ADGRB3: variants seen among roughly 807,000 people sequenced by gnomAD.
The protein encoded by ADGRB3 is brain-specific angiogenesis inhibitor 3.
Under a neutral mutation model 193.4 loss-of-function variants are expected in ADGRB3, and 37 were observed. The ratio of observed to expected loss-of-function variants is 0.19; its 90% confidence interval spans 0.15 to 0.25. The LOEUF is 0.25. ADGRB3 is among the 10% of genes least tolerant of loss of function. The probability of loss-of-function intolerance (pLI) is 1.00; values close to 1 mark genes in which losing one functional copy is unlikely to be tolerated. For synonymous variants in ADGRB3, 690 were observed against 644.2 expected, an observed-to-expected ratio of 1.07 and a Z score of -1.08; for missense variants, 1,637 against 1,852.9, an observed-to-expected ratio of 0.88 and a Z score of 2.14.
chr6:68,738,640 T>C (rs1453518570), intron 3 of ADGRB3, among the ~76,000 whole-genome samples: 2 of 152,148 alleles, frequency 1.3e-5, no homozygotes, highest in Non-Finnish European at 2.9e-5. Flanking sequence ...AAATAAGAGT[T>C]ATCAACAAAA....
At chr6:68,700,738 G>T (rs560536050) in intron 3 of ADGRB3, among the ~76,000 whole-genome samples, 1 of 147,354 alleles carries the variant, frequency 6.8e-6, no homozygotes, top group African/African-American at 2.5e-5. Context: ...GCCAAACACC[G>T]CATGTTCTCA....
At position 69,223,287 on chromosome 6, in the gene ADGRB3, G is replaced by C. The variant is rs563884389; in HGVS notation, c.2481-10003G>C. ...TCAAGAGTTAAAATTTCTGTTTTTT[G>C]AAACTAAAGACTCTGATATCAAAAT... is the stretch of plus-strand genomic sequence containing the variant. On this transcript the variant is annotated intron_variant, in intron 17 of 31. Transcript: ENST00000370598. Among the ~76,000 whole-genome samples the C allele has an allele frequency of 6.6e-5, 10 of 152,118 alleles. No homozygotes were observed. The Middle Eastern group carries it at 0.01, about 155-fold the overall frequency.
At chr6:69,386,828 A>G (rs1360759588) in intron 31 of ADGRB3, among the ~76,000 whole-genome samples, 1 of 152,048 alleles carries the variant, frequency 6.6e-6, no homozygotes, top group African/African-American at 2.4e-5. Context: ...TGTTTCCTGT[A>G]TAAAGAAGCC....
intron 28 of ADGRB3, among the ~76,000 whole-genome samples, chr6:69,356,935 A>G (rs1450091093): frequency 6.6e-6 from 1 of 152,110 alleles, no homozygotes; most frequent in Non-Finnish European, 1.5e-5. Flanking sequence ...GGAACAGAAT[A>G]TGCCTCATTT....
chr6:68,890,878 G>A (rs546130541), intron 3 of ADGRB3, among the ~76,000 whole-genome samples: 34 of 152,294 alleles, frequency 2.2e-4, no homozygotes, highest in African/African-American at 5.8e-4. Context: ...TTTAGCAGGC[G>A]AAAGAAAGAT....
chr6:69,119,110 T>C (rs1773614986), intron 17 of ADGRB3, among the ~76,000 whole-genome samples: 1 of 152,240 alleles, frequency 6.6e-6, no homozygotes, highest in Non-Finnish European at 1.5e-5. Context: ...AGTTTTTCAC[T>C]GTCATGGAAA....
chr6:68,656,552 A>G (rs72897142), intron 3 of ADGRB3, among the ~76,000 whole-genome samples: 280 of 151,714 alleles, frequency 1.8e-3, no homozygotes, highest in Non-Finnish European at 3.4e-3. Context: ...ATTTGTTCAC[A>G]TTTATTAGTT....
chr6:69,189,831 A>C (rs1299854703), intron 17 of ADGRB3, among the ~76,000 whole-genome samples: 1 of 152,188 alleles, frequency 6.6e-6, no homozygotes, highest in Admixed American at 6.5e-5. Flanking sequence ...TAACCGTAGT[A>C]ATGTTGTATA....
At chr6:68,896,192 A>T (rs1419874742) in intron 3 of ADGRB3, among the ~76,000 whole-genome samples, 1 of 152,164 alleles carries the variant, frequency 6.6e-6, no homozygotes, top group Non-Finnish European at 1.5e-5. Flanking sequence ...TTGACCTGAC[A>T]GCTAATAATC....
At chr6:69,151,400 C>T (rs1440110942) in intron 17 of ADGRB3, among the ~76,000 whole-genome samples, 1 of 152,234 alleles carries the variant, frequency 6.6e-6, no homozygotes, top group East Asian at 1.9e-4. Flanking sequence ...ATTGCAAAGT[C>T]CCACAATCAC....
chr6:69,078,445 A>G (rs1333977395), intron 17 of ADGRB3, among the ~76,000 whole-genome samples: 1 of 152,042 alleles, frequency 6.6e-6, no homozygotes, highest in African/African-American at 2.4e-5. Flanking sequence ...AGACATTCAC[A>G]CTATTTTTAA....
chr6:68,726,015 A>G (rs1426679746), intron 3 of ADGRB3, among the ~76,000 whole-genome samples: 2 of 151,254 alleles, frequency 1.3e-5, no homozygotes, highest in Non-Finnish European at 3.0e-5. Flanking sequence ...GGATTTGGCA[A>G]TGAGGAAGCT....
Position 68,863,597 on chromosome 6 carries a change from T to C in ADGRB3, c.758-66962T>C, listed in dbSNP as rs115791922. Among the ~76,000 whole-genome samples the C allele has an allele frequency of 8.2e-3, 1,245 of 152,220 alleles. 16 individuals are homozygous for C. The highest frequency in any genetic ancestry group is 0.029 in the African/African-American group (1,189 of 41,566). On this transcript the variant is annotated intron_variant, in intron 3 of 31. Coordinates refer to ENST00000370598, the MANE Select transcript of ADGRB3 (RefSeq NM_001704.3). The stretch of plus-strand genomic sequence containing the variant: ...TGCAAACTCACACATTTTGAAAAAC[T>C]GTATGTCCAAGTACAGTACATAAAA...
rs116478625 is a variant in ADGRB3, at chr6:68,900,819, C to A, written c.758-29740C>A. ...CATTTCCATCATAGAAGGAACAGTG[C>A]TTCTCCTTACTGAAATATATACTTA... On this transcript the variant is annotated intron_variant, in intron 3 of 31. Transcript: ENST00000370598. Among the ~76,000 whole-genome samples the A allele has an allele frequency of 5.3e-3, 806 of 152,216 alleles. 8 individuals are homozygous for A. Among genetic ancestry groups the A allele is most frequent in the African/African-American group, 0.018 (758 of 41,542 alleles).
Position 68,956,077 on chromosome 6 carries a change from T to C in ADGRB3, c.1249T>C (p.Ser417Pro). 1 of 1,613,930 alleles carries C rather than the reference T, an allele frequency of 6.2e-7. No homozygotes were observed. Among genetic ancestry groups the C allele is most frequent in the Non-Finnish European group, 8.5e-7 (1 of 1,179,970 alleles). ...GTGGAGCCAGTGCTCAGTAACGTGC[T>C]CGAATGGGACTCAGCAGAGAAGCCG... Reference protein sequence around the residue: ...SSWSQCSVTCSNGTQQRSRQC... With the variant: ...SSWSQCSVTCPNGTQQRSRQC... Residue 417 changes from serine (S) to proline (P), a missense_variant, in exon 7 of 32, where the codon TCG becomes CCG. By Grantham distance (74) the Ser-to-Pro change is moderately conservative. Around this residue, in one of 7 missense-constraint regions of ADGRB3, gnomAD observed 641 missense variants for 673.9 expected, o/e 0.95. Transcript: ENST00000370598.
chr6:68,929,905 A>G (rs1237471043), intron 3 of ADGRB3, among the ~76,000 whole-genome samples: 2 of 152,004 alleles, frequency 1.3e-5, no homozygotes, highest in African/African-American at 2.4e-5. Flanking sequence ...GAAACAATAA[A>G]TTTTATAAAT....
intron 3 of ADGRB3, among the ~76,000 whole-genome samples, chr6:68,779,667 C>A (rs1046804244): frequency 6.6e-6 from 1 of 151,992 alleles, no homozygotes; most frequent in Non-Finnish European, 1.5e-5. Context: ...CTAGGCTAAT[C>A]ACAGACATTA....
chr6:69,375,763 T>C (rs1487915893), intron 30 of ADGRB3, among the ~76,000 whole-genome samples: 1 of 151,990 alleles, frequency 6.6e-6, no homozygotes, highest in Non-Finnish European at 1.5e-5. Flanking sequence ...GAAGTATCCA[T>C]GAAACCCCAT....
intron 3 of ADGRB3, among the ~76,000 whole-genome samples, chr6:68,896,100 A>G (rs1435206108): frequency 6.6e-6 from 1 of 152,134 alleles, no homozygotes; most frequent in Non-Finnish European, 1.5e-5. Context: ...CTTTAAGAAG[A>G]ACATACACAC....
Sources: gnomAD v4.1 joint callset for allele counts (sites outside exome capture counted in the v4.1 genomes callset) on GRCh38, gnomAD v4.1.1 for gene constraint, gnomAD v4.1.1 regional missense constraint, MANE v1.5 for transcripts, NCBI Gene and HGNC (gene_info 2026-07-23, HGNC 2026-07-21) for gene names.